KLHL20: variants seen among roughly 807,000 people sequenced by gnomAD.
KLHL20 encodes kelch like family member 20, also known as kelch-like protein 20.
In KLHL20, 29 loss-of-function variants were observed where a neutral mutation model predicts 69.5. The observed-to-expected ratio is 0.42, with a 90% CI of 0.31 to 0.57. The LOEUF is 0.57. Ranked by LOEUF, KLHL20 falls within the 20% of genes least tolerant of loss-of-function variation. KLHL20 has a pLI of 0.18. For synonymous variants in KLHL20, 253 were observed against 265.2 expected (o/e 0.95, Z 0.45); for missense variants, 419 against 776.0 (o/e 0.54, Z 5.47).
intron 3 of KLHL20, among the ~76,000 whole-genome samples, chr1:173,740,101 T>C (rs1672727872): frequency 6.6e-6 from 1 of 151,576 alleles, no homozygotes; most frequent in African/African-American, 2.4e-5. Context: ...AGTTCTGCTC[T>C]GATCTTTATC....
At chr1:173,775,922 C>G in intron 10 of KLHL20, 80 bp downstream of exon 10, 1 of 1,164,776 alleles carries the variant, frequency 8.6e-7, no homozygotes, top group Admixed American at 1.8e-5. Flanking sequence ...GTGCAGATAT[C>G]TCTTCATTAT....
At chr1:173,755,059 C>A in intron 5 of KLHL20, among the ~76,000 whole-genome samples, 1 of 133,524 alleles carries the variant, frequency 7.5e-6, no homozygotes, top group African/African-American at 2.8e-5. Context: ...AAGTCTTTGT[C>A]TTTTTTTTTT....
chr1:173,724,075 A>T (rs1350374596), intron 2 of KLHL20, among the ~76,000 whole-genome samples: 1 of 152,110 alleles, frequency 6.6e-6, no homozygotes, highest in African/African-American at 2.4e-5. Context: ...TATACCCATG[A>T]TATCACCGCA....
At chr1:173,758,508 A>T (rs1237129932) in intron 7 of KLHL20, among the ~76,000 whole-genome samples, 1 of 152,158 alleles carries the variant, frequency 6.6e-6, no homozygotes, top group Non-Finnish European at 1.5e-5. Flanking sequence ...AAGAAAGCGG[A>T]CTGCTCCTGC....
Position 173,782,192 on chromosome 1 carries a change from G to A in KLHL20, c.1707G>A (p.Lys569=), listed in dbSNP as rs1648926176. 1 of 1,613,878 alleles carries A rather than the reference G, an allele frequency of 6.2e-7. No homozygotes were observed. The highest frequency in any genetic ancestry group is 1.7e-5 in the Admixed American group (1 of 60,000). ...GTTTTGATGGCACAACATACTTGAAGACCATAGAAGTTTTTGATCCTGATG... is the reference window on the plus strand; with the variant it reads ...GTTTTGATGGCACAACATACTTGAAAACCATAGAAGTTTTTGATCCTGATG... The part of the protein sequence containing the change: ...VGGFDGTTYL[K]TIEVFDPDAN... The change falls in exon 11 of 12, where the codon AAG becomes AAA. Residue 569 remains lysine (K), a synonymous_variant. Transcript: ENST00000209884.
At chr1:173,783,840 C>T (rs1649030790) in intron 11 of KLHL20, among the ~76,000 whole-genome samples, 1 of 151,146 alleles carries the variant, frequency 6.6e-6, no homozygotes, top group South Asian at 2.1e-4. Context: ...GCACTGCAGC[C>T]TGGGTGACAG....
intron 2 of KLHL20, among the ~76,000 whole-genome samples, chr1:173,722,280 A>G (rs1671748083): frequency 6.6e-6 from 1 of 152,078 alleles, no homozygotes; most frequent in Non-Finnish European, 1.5e-5. Context: ...GGTTGAGGAA[A>G]AAAGGCAAAA....
At chr1:173,718,141 T>A (rs1671546527) in intron 2 of KLHL20, among the ~76,000 whole-genome samples, 1 of 152,076 alleles carries the variant, frequency 6.6e-6, no homozygotes, top group African/African-American at 2.4e-5. Flanking sequence ...TTGCCCAGGT[T>A]GGTCTCAAAC....
intron 5 of KLHL20, 133 bp from the exon 6 acceptor site, chr1:173,755,790 T>C (rs1673524771): frequency 1.7e-6 from 1 of 594,106 alleles, no homozygotes; most frequent in South Asian, 2.1e-5. Flanking sequence ...AATTTTAATA[T>C]TGGCTGGCAT....
At chr1:173,770,944 T>C (rs1255897194) in intron 8 of KLHL20, among the ~76,000 whole-genome samples, 2 of 152,096 alleles carry the variant, frequency 1.3e-5, no homozygotes, top group Non-Finnish European at 1.5e-5. Context: ...ATAACATGAC[T>C]GTACCTTGAA....
Position 173,774,322 on chromosome 1 carries a change from AC to A in KLHL20, c.1314del (p.Asn438LysfsTer6). The A allele has an allele frequency of 3.7e-6, 6 of 1,614,164 alleles. No homozygotes were observed. Among genetic ancestry groups the A allele is most frequent in the Non-Finnish European group, 5.1e-6 (6 of 1,180,020 alleles). On this transcript the variant is annotated frameshift_variant, in exon 9 of 12. Transcript: ENST00000209884. LOFTEE classifies it high-confidence loss of function. The part of the protein sequence containing the change: ...NIVERYDPKE[N>X]KWTRVASMST... ...CACTGCAGGTATGATCCGAAGGAGA[AC>A]AAGTGGACTCGGGTAGCTTCTATGA... is the stretch of plus-strand genomic sequence containing the variant.
At chr1:173,741,263 G>A (rs1264812613) in intron 3 of KLHL20, among the ~76,000 whole-genome samples, 1 of 152,170 alleles carries the variant, frequency 6.6e-6, no homozygotes, top group Non-Finnish European at 1.5e-5. Context: ...AAAGTTCACA[G>A]TGTGAATCTC....
chr1:173,723,381 G>A (rs941044769), intron 2 of KLHL20, among the ~76,000 whole-genome samples: 2 of 152,158 alleles, frequency 1.3e-5, no homozygotes, highest in Non-Finnish European at 2.9e-5. Flanking sequence ...CGTAAACAGT[G>A]ATGTTTTTAC....
intron 3 of KLHL20, among the ~76,000 whole-genome samples, chr1:173,738,633 C>A (rs189629737): frequency 3.4e-4 from 52 of 152,286 alleles, no homozygotes; most frequent in African/African-American, 1.1e-3. Context: ...GCAGGTTTGT[C>A]ATAGATGGTT....
chr1:173,744,826 A>G (rs1318813219), intron 3 of KLHL20, among the ~76,000 whole-genome samples: 2 of 152,124 alleles, frequency 1.3e-5, no homozygotes, highest in African/African-American at 4.8e-5. Flanking sequence ...TCTATTTATT[A>G]TGGCTTAATT....
At chr1:173,753,451 G>C (rs891967872) in intron 5 of KLHL20, 144 bp downstream of exon 5, 14 of 626,948 alleles carry the variant, frequency 2.2e-5, no homozygotes, top group Non-Finnish European at 3.6e-5. Flanking sequence ...TTCTGGGCTA[G>C]AGTCAAGAGG....
intron 2 of KLHL20, among the ~76,000 whole-genome samples, chr1:173,729,825 C>T (rs1225877545): frequency 2.0e-5 from 3 of 152,178 alleles, no homozygotes; most frequent in Admixed American, 6.5e-5. Flanking sequence ...GGGATGCCCT[C>T]TCTCACCACT....
At chr1:173,771,506 A>G (rs1186078900) in intron 8 of KLHL20, among the ~76,000 whole-genome samples, 5 of 152,232 alleles carry the variant, frequency 3.3e-5, no homozygotes, top group African/African-American at 1.2e-4. Flanking sequence ...CTATAATCCC[A>G]GCACTTTGGG....
At chr1:173,744,691 C>T (rs1213214236) in intron 3 of KLHL20, among the ~76,000 whole-genome samples, 1 of 151,960 alleles carries the variant, frequency 6.6e-6, no homozygotes, top group Non-Finnish European at 1.5e-5. Flanking sequence ...GTCTAAATAC[C>T]GTTTATTTAA....
Sources: allele counts gnomAD v4.1 joint callset (sites outside exome capture counted in the v4.1 genomes callset), GRCh38; gene constraint gnomAD v4.1.1; transcripts MANE v1.5; gene names NCBI Gene and HGNC (gene_info 2026-07-23, HGNC 2026-07-21).